RHOT1: variants seen among roughly 807,000 people sequenced by gnomAD.
The protein encoded by RHOT1 is ras homolog family member T1, also known as mitochondrial Rho GTPase 1.
A neutral mutation model predicts 95.3 loss-of-function variants in RHOT1; 27 were observed. The observed-to-expected ratio is 0.28, with a 90% CI of 0.21 to 0.39. The LOEUF is 0.39. Ranked by LOEUF, RHOT1 falls within the 10% of genes least tolerant of loss-of-function variation. The pLI is 1.00. For synonymous variants in RHOT1, 227 were observed against 263.5 expected (o/e 0.86, Z 1.34); for missense variants, 578 against 786.7 (o/e 0.73, Z 3.17).
At chr17:32,208,345 G>A (rs753041682) in intron 18 of RHOT1, 36 bp downstream of exon 18, 77 of 1,560,904 alleles carry the variant, frequency 4.9e-5, no homozygotes, top group Non-Finnish European at 6.5e-5. Context: ...ATGTTGCATG[G>A]TTCATAACAT....
At chr17:32,197,141 A>G (rs996990598) in intron 11 of RHOT1, among the ~76,000 whole-genome samples, 1 of 151,814 alleles carries the variant, frequency 6.6e-6, no homozygotes, top group African/African-American at 2.4e-5. Flanking sequence ...AAAAAAAGAA[A>G]TGTCTTTGTG....
intron 16 of RHOT1, among the ~76,000 whole-genome samples, chr17:32,206,346 C>T (rs2037734277): frequency 6.6e-6 from 1 of 150,916 alleles, no homozygotes; most frequent in South Asian, 2.1e-4. Context: ...GCTGGGACTA[C>T]AGGCACACGT....
chr17:32,205,461 C>A (rs984012575), intron 16 of RHOT1, among the ~76,000 whole-genome samples: 10 of 152,128 alleles, frequency 6.6e-5, no homozygotes, highest in African/African-American at 2.2e-4. Flanking sequence ...TATCTGTAAT[C>A]TGAATCAAGT....
intron 14 of RHOT1, among the ~76,000 whole-genome samples, chr17:32,202,430 G>C (rs988249620): frequency 6.6e-6 from 1 of 152,056 alleles, no homozygotes; most frequent in Admixed American, 6.6e-5. Flanking sequence ...AAATTAGATG[G>C]AATATAATGT....
At chr17:32,165,674 CTT>C (rs1257034669) in intron 1 of RHOT1, among the ~76,000 whole-genome samples, 1 of 152,094 alleles carries the variant, frequency 6.6e-6, no homozygotes, top group African/African-American at 2.4e-5. Flanking sequence ...CACATGTTGA[CTT>C]ATACCTGCAT....
In RHOT1 at chr17:32,198,994, A is replaced by G. The variant is rs761534824; in HGVS notation, c.917A>G (p.Tyr306Cys). The G allele has an allele frequency of 6.2e-7, 1 of 1,612,078 alleles. No homozygotes were observed. Among genetic ancestry groups the G allele is most frequent in the Non-Finnish European group, 8.5e-7 (1 of 1,178,636 alleles). The change falls in exon 12 of 20, where the codon TAT becomes TGT. Residue 306 changes from tyrosine to cysteine, a missense_variant. Physicochemically the swap from Tyr to Cys is radical, Grantham distance 194. Coordinates refer to ENST00000545287, the MANE Select transcript of RHOT1 (RefSeq NM_001033566.3). ...DCTTELNHHAYLFLQSTFDKH... is the reference protein window; with the variant it reads ...DCTTELNHHACLFLQSTFDKH... ...ACTACTGAATTAAATCATCATGCAT[A>G]TTTATTTCTCCAAAGCACCTTTGAC...
chr17:32,153,918 C>T (rs1230450079), intron 1 of RHOT1, among the ~76,000 whole-genome samples: 3 of 152,092 alleles, frequency 2.0e-5, no homozygotes, highest in Non-Finnish European at 4.4e-5. Flanking sequence ...GCTTGGTGGA[C>T]TTGATGGGAC....
At chr17:32,143,410 C>T (rs1278243619) in intron 1 of RHOT1, among the ~76,000 whole-genome samples, 5 of 152,208 alleles carry the variant, frequency 3.3e-5, no homozygotes, top group African/African-American at 1.2e-4. Flanking sequence ...AATTTTTACT[C>T]AACTTCGAGT....
intron 15 of RHOT1, 138 bp from the exon 16 acceptor site, chr17:32,203,752 T>A: frequency 1.5e-6 from 1 of 650,786 alleles, no homozygotes; most frequent in Non-Finnish European, 2.7e-6. Context: ...CAATATCTCC[T>A]TTGTACTGAT....
At chr17:32,182,982 G>A (rs1330116920) in intron 7 of RHOT1, 117 bp downstream of exon 7, 7 of 793,850 alleles carry the variant, frequency 8.8e-6, no homozygotes, top group Non-Finnish European at 1.4e-5. Flanking sequence ...GTGAAGTCAC[G>A]TAAACCAAAT....
At chr17:32,157,736 G>T (rs1300636158) in intron 1 of RHOT1, among the ~76,000 whole-genome samples, 1 of 152,020 alleles carries the variant, frequency 6.6e-6, no homozygotes, top group Non-Finnish European at 1.5e-5. Context: ...GAACCCAGGA[G>T]GTGGAGGTTG....
At chr17:32,190,914 G>A (rs890861693) in intron 8 of RHOT1, among the ~76,000 whole-genome samples, 6 of 152,202 alleles carry the variant, frequency 3.9e-5, no homozygotes, top group African/African-American at 1.4e-4. Context: ...TCCTGCCTCA[G>A]CCTCCCAAGT....
rs2039039471 is a variant in RHOT1, at chr17:32,224,705, T to C, written c.1952T>C (p.Met651Thr). 1 of 1,611,130 alleles carries C rather than the reference T, an allele frequency of 6.2e-7. No individual in the cohort carries two copies. Among genetic ancestry groups the C allele is most frequent in the Non-Finnish European group, 8.5e-7 (1 of 1,177,952 alleles). The change falls in exon 20 of 20, where the codon ATG becomes ACG. Residue 651 changes from methionine (M) to threonine (T), a missense_variant. Met to Thr is a moderately conservative substitution (Grantham distance 81, BLOSUM62 -1). Transcript: ENST00000545287. ...GTTTTTGCAGTTTTGGGCTTTGCTA[T>C]GTACAAAGCATTATTGAAACAGCGA... Reference protein sequence around the residue: ...ATVFAVLGFAMYKALLKQR With the variant: ...ATVFAVLGFATYKALLKQR
intron 19 of RHOT1, among the ~76,000 whole-genome samples, chr17:32,213,426 A>G (rs1345198410): frequency 2.0e-5 from 3 of 152,194 alleles, no homozygotes. Flanking sequence ...AGCAAGCCCT[A>G]TAGTATTCCA....
intron 6 of RHOT1, among the ~76,000 whole-genome samples, chr17:32,182,249 C>T (rs1231523943): frequency 6.6e-6 from 1 of 152,158 alleles, no homozygotes; most frequent in Non-Finnish European, 1.5e-5. Context: ...TACCTATCAT[C>T]CCAACACTTT....
chr17:32,165,727 A>C (rs1567667680), intron 1 of RHOT1, among the ~76,000 whole-genome samples: 1 of 152,206 alleles, frequency 6.6e-6, no homozygotes, highest in Non-Finnish European at 1.5e-5. Context: ...TGAACCTCCA[A>C]ATAATGACAA....
chr17:32,170,549 A>G (rs1228374550), intron 1 of RHOT1, among the ~76,000 whole-genome samples: 16 of 152,224 alleles, frequency 1.1e-4, no homozygotes, highest in Admixed American at 9.8e-4. Flanking sequence ...ATTTATTCAT[A>G]ATGTTGTGTA....
intron 6 of RHOT1, among the ~76,000 whole-genome samples, chr17:32,180,301 T>C (rs2035522017): frequency 6.6e-6 from 1 of 152,202 alleles, no homozygotes; most frequent in Non-Finnish European, 1.5e-5. Context: ...CTCCATTTTG[T>C]TCTGTACTTA....
intron 18 of RHOT1, among the ~76,000 whole-genome samples, chr17:32,210,818 T>C (rs1014955470): frequency 4.3e-4 from 66 of 152,146 alleles, no homozygotes; most frequent in African/African-American, 1.6e-3. Flanking sequence ...TTGCTGTGCA[T>C]ATTTATTCCA....
Sources: allele counts gnomAD v4.1 joint callset (sites outside exome capture counted in the v4.1 genomes callset), GRCh38; gene constraint gnomAD v4.1.1; transcripts MANE v1.5; gene names NCBI Gene and HGNC (gene_info 2026-07-23, HGNC 2026-07-21).